TYW1B: variants seen among roughly 807,000 people sequenced by gnomAD.
TYW1B encodes the protein S-adenosyl-L-methionine-dependent tRNA 4-demethylwyosine synthase TYW1B.
In TYW1B, 73 loss-of-function variants were observed where a neutral mutation model predicts 86.9. The ratio of observed to expected loss-of-function variants is 0.84; its 90% CI spans 0.70 to 1.02. The LOEUF (loss-of-function observed/expected upper bound fraction) is 1.02. Among genes scored for constraint, TYW1B ranks in the 50% least tolerant of loss-of-function variants. The probability of loss-of-function intolerance (pLI) is 0.00; values close to 1 mark genes in which losing one functional copy is unlikely to be tolerated. For missense variants in TYW1B, 637 were observed against 827.4 expected (o/e 0.77, Z 2.82); for synonymous variants, 248 against 292.8 (o/e 0.85, Z 1.56).
At chr7:72,579,000 G>C (rs1212273987) in intron 13 of TYW1B, among the ~76,000 whole-genome samples, 5 of 151,952 alleles carry the variant, frequency 3.3e-5, no homozygotes, top group African/African-American at 4.8e-5. Flanking sequence ...TATTTGCCAT[G>C]GGTGTTCTAA....
intron 10 of TYW1B, among the ~76,000 whole-genome samples, chr7:72,706,431 CAAAAAAAA>C (rs59124514): frequency 1.6e-5 from 1 of 64,488 alleles, no homozygotes; most frequent in Non-Finnish European, 2.9e-5. Flanking sequence ...CCTCCATCTC[CAAAAAAAA>C]AAAAAAAAAA....
intron 8 of TYW1B, among the ~76,000 whole-genome samples, chr7:72,735,929 C>T (rs1254599035): frequency 5.3e-5 from 8 of 152,000 alleles, no homozygotes; most frequent in East Asian, 1.9e-4. Flanking sequence ...AAATCATTGG[C>T]TTTTGCTATA....
intron 4 of TYW1B, among the ~76,000 whole-genome samples, chr7:72,809,758 G>C (rs1788567959): frequency 2.6e-5 from 4 of 152,282 alleles, no homozygotes; most frequent in Non-Finnish European, 1.5e-5. Flanking sequence ...CCAGCACTCT[G>C]GGAGGCCGAG....
At chr7:72,641,097 A>C (rs190012113) in intron 11 of TYW1B, among the ~76,000 whole-genome samples, 19 of 152,264 alleles carry the variant, frequency 1.2e-4, no homozygotes, top group Admixed American at 1.0e-3. Flanking sequence ...ACCTCACACA[A>C]ATAAAAGGAA....
At chr7:72,608,529 T>C (rs1240712795) in intron 13 of TYW1B, among the ~76,000 whole-genome samples, 2 of 152,168 alleles carry the variant, frequency 1.3e-5, no homozygotes, top group Non-Finnish European at 2.9e-5. Flanking sequence ...AAAAAGTCTA[T>C]ACGAAGAGAT....
chr7:72,793,596 A>G (rs1423941524), intron 6 of TYW1B, among the ~76,000 whole-genome samples: 12 of 151,634 alleles, frequency 7.9e-5, no homozygotes, highest in Non-Finnish European at 1.6e-4. Flanking sequence ...TCTCTACTAA[A>G]CATACAAAAA....
chr7:72,811,071 A>G (rs1453141899), intron 3 of TYW1B, among the ~76,000 whole-genome samples: 3 of 151,890 alleles, frequency 2.0e-5, no homozygotes, highest in Admixed American at 2.0e-4. Flanking sequence ...GGAGATCGAG[A>G]CCATCCTGGC....
intron 11 of TYW1B, among the ~76,000 whole-genome samples, chr7:72,648,542 C>CAAAA (rs1812987357): frequency 9.3e-6 from 1 of 107,874 alleles, no homozygotes; most frequent in African/African-American, 3.7e-5. Flanking sequence ...GACTCTGTCT[C>CAAAA]AGAAAAAAAA....
At chr7:72,594,908 A>G (rs1251295789) in intron 13 of TYW1B, among the ~76,000 whole-genome samples, 1 of 152,204 alleles carries the variant, frequency 6.6e-6, no homozygotes, top group Admixed American at 6.5e-5. Flanking sequence ...TTAATGCAGG[A>G]AAGGCATCTG....
At chr7:72,678,317 G>GGCCTCC (rs1427804415) in intron 11 of TYW1B, among the ~76,000 whole-genome samples, 1 of 152,148 alleles carries the variant, frequency 6.6e-6, no homozygotes, top group African/African-American at 2.4e-5. Context: ...AGGATGAGGA[G>GGCCTCC]GGGCTAACTC....
intron 11 of TYW1B, among the ~76,000 whole-genome samples, chr7:72,681,245 C>T (rs1813867225): frequency 1.3e-5 from 2 of 152,230 alleles, no homozygotes; most frequent in African/African-American, 2.4e-5. Flanking sequence ...GCAATTTGCT[C>T]GTTCACCAAA....
intron 2 of TYW1B, among the ~76,000 whole-genome samples, chr7:72,826,480 T>C (rs1226155151): frequency 1.3e-5 from 2 of 152,218 alleles, no homozygotes; most frequent in South Asian, 2.1e-4. Context: ...GAAAAAACTT[T>C]ACATACTTTT....
intron 11 of TYW1B, among the ~76,000 whole-genome samples, chr7:72,637,036 C>T (rs537835262): frequency 7.2e-5 from 11 of 152,130 alleles, no homozygotes; most frequent in South Asian, 2.1e-4. Flanking sequence ...ATTAGCTGGG[C>T]GTGATTGAGC....
chr7:72,617,827 A>C (rs543930304), intron 12 of TYW1B, among the ~76,000 whole-genome samples: 2 of 152,296 alleles, frequency 1.3e-5, no homozygotes, highest in African/African-American at 4.8e-5. Flanking sequence ...CTTAAGTACA[A>C]CTGCAGAAAG....
intron 11 of TYW1B, among the ~76,000 whole-genome samples, chr7:72,632,447 T>A (rs1175441676): frequency 3.3e-5 from 3 of 91,730 alleles, no homozygotes; most frequent in African/African-American, 1.6e-4. Flanking sequence ...CGTATATATA[T>A]AAAATATATA....
At chr7:72,716,403 T>C (rs1189812436) in intron 9 of TYW1B, among the ~76,000 whole-genome samples, 1 of 151,892 alleles carries the variant, frequency 6.6e-6, no homozygotes, top group African/African-American at 2.4e-5. Flanking sequence ...TATCCTAGTT[T>C]ATGAAACTGA....
chr7:72,776,556 C>CAAA (rs67553013), intron 7 of TYW1B, among the ~76,000 whole-genome samples: 606 of 45,200 alleles, frequency 0.013, 105 homozygotes, highest in African/African-American at 0.048. Context: ...GACTCTGTCT[C>CAAA]AAAAAAAAAA....
At chr7:72,700,571 G>A (rs1469556383) in intron 10 of TYW1B, among the ~76,000 whole-genome samples, 2 of 152,016 alleles carry the variant, frequency 1.3e-5, no homozygotes, top group Non-Finnish European at 2.9e-5. Context: ...CCACATATTT[G>A]TGAATTTCCC....
chr7:72,718,843 A>T (rs1162000768), intron 9 of TYW1B, among the ~76,000 whole-genome samples: 1 of 152,158 alleles, frequency 6.6e-6, no homozygotes, highest in Non-Finnish European at 1.5e-5. Flanking sequence ...AACCAACCTA[A>T]AACTCAGAAA....
Sources: allele counts gnomAD v4.1 joint callset (sites outside exome capture counted in the v4.1 genomes callset), GRCh38; gene constraint gnomAD v4.1.1; transcripts MANE v1.5; gene names NCBI Gene and HGNC (gene_info 2026-07-23, HGNC 2026-07-21).